Variants in GNB5 observed in about 807,000 individuals in gnomAD.
The protein encoded by GNB5 is guanine nucleotide-binding protein subunit beta-5.
Under a neutral mutation model 55.3 loss-of-function variants are expected in GNB5, and 37 were observed. The observed-to-expected ratio is 0.67, with a 90% CI of 0.51 to 0.88. GNB5 has a LOEUF of 0.88. GNB5 is among the 40% of genes least tolerant of loss of function. The pLI is 0.00. For missense variants in GNB5, 476 were observed against 515.3 expected (o/e 0.92, Z 0.74); for synonymous variants, 219 against 198.5 (o/e 1.10, Z -0.87).
At position 52,124,657 on chromosome 15, in the gene GNB5, T is replaced by A; in HGVS notation, c.1010-18A>T. 6.2e-7 allele frequency: 1 copy of A among 1,609,480 alleles called. No homozygotes were observed. Among genetic ancestry groups the A allele is most frequent in the Non-Finnish European group, 8.5e-7 (1 of 1,176,602 alleles). On this transcript the variant is annotated intron_variant, in intron 11 of 12. Transcript: ENST00000261837. ...CAGGCGACCTTGAAGCAGGGTGAGA[T>A]GATAGCTGTTAAGCCAGTTCCTTGC...
chr15:52,156,625 G>A (rs1188150688), intron 3 of GNB5, among the ~76,000 whole-genome samples: 1 of 152,152 alleles, frequency 6.6e-6, no homozygotes, highest in Non-Finnish European at 1.5e-5. Context: ...CAGTTACTTG[G>A]GAGGCCGAGG....
rs976493477 is a variant in GNB5 at position 52,157,873 on chromosome 15, T to C, written c.239-3797A>G. On this transcript the variant is annotated intron_variant, in intron 3 of 12. Transcript: ENST00000261837. Reference sequence around the variant, plus strand: ...TTTGCATCCACTGAATTAAAACAAATTTTAAAAATTAAACATTAGGAAGTT... The same window carrying C: ...TTTGCATCCACTGAATTAAAACAAACTTTAAAAATTAAACATTAGGAAGTT... Among the ~76,000 whole-genome samples the C allele has an allele frequency of 6.0e-5, 9 of 150,912 alleles. No individual in the cohort carries two copies. The South Asian group carries it at 1.5e-3, about 25-fold the overall frequency.
chr15:52,151,443 T>C (rs2034095017), intron 4 of GNB5, among the ~76,000 whole-genome samples: 1 of 152,234 alleles, frequency 6.6e-6, no homozygotes. Context: ...GGGGCCTACG[T>C]ACCCAGAGAG....
At chr15:52,129,319 TC>T (rs2033516518) in intron 9 of GNB5, among the ~76,000 whole-genome samples, 2 of 151,438 alleles carry the variant, frequency 1.3e-5, no homozygotes, top group Admixed American at 1.3e-4. Context: ...GGAGGAGGAG[TC>T]CTTTTAAAAC....
intron 5 of GNB5, among the ~76,000 whole-genome samples, chr15:52,148,576 T>A (rs1045731442): frequency 3.9e-5 from 6 of 152,336 alleles, no homozygotes; most frequent in East Asian, 1.9e-4. Context: ...ATGGCTCTGT[T>A]GTTTGCATAT....
chr15:52,129,254 G>A (rs2033514437), intron 9 of GNB5, among the ~76,000 whole-genome samples: 1 of 152,090 alleles, frequency 6.6e-6, no homozygotes, highest in South Asian at 2.1e-4. Context: ...CCGCACCCAC[G>A]CTGTTTCTCC....
At chr15:52,182,237 G>T (rs945357597) in intron 2 of GNB5, among the ~76,000 whole-genome samples, 1 of 152,198 alleles carries the variant, frequency 6.6e-6, no homozygotes, top group Admixed American at 6.5e-5. Context: ...GTTCACATGA[G>T]GTAATTTAAA....
At chr15:52,147,838 C>G (rs2034009211) in intron 5 of GNB5, among the ~76,000 whole-genome samples, 1 of 152,160 alleles carries the variant, frequency 6.6e-6, no homozygotes, top group African/African-American at 2.4e-5. Flanking sequence ...TCACCGTGGC[C>G]TCCCAAAGTG....
At chr15:52,184,980 A>C (rs1487844336) in intron 1 of GNB5, among the ~76,000 whole-genome samples, 1 of 152,248 alleles carries the variant, frequency 6.6e-6, no homozygotes, top group African/African-American at 2.4e-5. Flanking sequence ...CTTGCAGCAC[A>C]ATATCAATTC....
At chr15:52,128,868 G>A (rs929389256) in intron 9 of GNB5, 2 of 403,172 alleles carry the variant, frequency 5.0e-6, no homozygotes, top group South Asian at 3.6e-5. Flanking sequence ...TAAATTATAA[G>A]CCAGAGGCAG....
chr15:52,159,186 C>T (rs572967925), intron 3 of GNB5, among the ~76,000 whole-genome samples: 1 of 152,282 alleles, frequency 6.6e-6, no homozygotes, highest in South Asian at 2.1e-4. Flanking sequence ...AGTAATGGCG[C>T]TGTACACCCA....
At position 52,159,325 on chromosome 15, in the gene GNB5, G is replaced by T. The variant is rs187192394; in HGVS notation, c.239-5249C>A. 3.1e-3 allele frequency among the ~76,000 whole-genome samples: 479 copies of T among 152,212 alleles called. 1 individual carries two copies. Among genetic ancestry groups the T allele is most frequent in the African/African-American group, 0.011 (457 of 41,546 alleles). On this transcript the variant is annotated intron_variant, in intron 3 of 12. Coordinates refer to ENST00000261837, the MANE Select transcript of GNB5 (RefSeq NM_016194.4). ...GGACAGCGTCGATGGAGACAACACT[G>T]GAGGAGGGAAACCAGGGAAGAGACT...
chr15:52,181,710 C>G (rs2034774027), intron 2 of GNB5, among the ~76,000 whole-genome samples: 1 of 152,208 alleles, frequency 6.6e-6, no homozygotes, highest in East Asian at 1.9e-4. Flanking sequence ...TGCTTATTCA[C>G]TGCTAGTTCT....
intron 7 of GNB5, 73 bp from the exon 8 acceptor site, chr15:52,135,829 T>C: frequency 6.9e-7 from 1 of 1,452,616 alleles, no homozygotes; most frequent in South Asian, 1.2e-5. Context: ...ATCAGAGGCT[T>C]AACGTTCCGC....
intron 8 of GNB5, 98 bp from the exon 9 acceptor site, chr15:52,133,567 T>G: frequency 5.1e-6 from 4 of 780,618 alleles, no homozygotes; most frequent in South Asian, 4.7e-5. Flanking sequence ...TTATTTCCCA[T>G]TAGCAAATGG....
chr15:52,147,895 A>C (rs1412851103), intron 5 of GNB5, among the ~76,000 whole-genome samples: 1 of 152,126 alleles, frequency 6.6e-6, no homozygotes, highest in Non-Finnish European at 1.5e-5. Context: ...AAAAATCTTA[A>C]TGTTTAAATT....
At position 52,179,402 on chromosome 15, in the gene GNB5, C is replaced by T. The variant is rs182904769; in HGVS notation, c.238+366G>A. Among the ~76,000 whole-genome samples, 1,228 of 152,292 alleles carry T rather than the reference C, an allele frequency of 8.1e-3. 7 individuals carry two copies. Among genetic ancestry groups the T allele is most frequent in the Non-Finnish European group, 0.012 (816 of 68,006 alleles). The stretch of plus-strand genomic sequence containing the variant: ...CCTAGGCCGCGCCTACACGGGCTCG[C>T]CGCGCTCGCTCGTCACCACCGACAC... On this transcript the variant is annotated intron_variant, in intron 3 of 12. Coordinates refer to ENST00000261837, the MANE Select transcript of GNB5 (RefSeq NM_016194.4).
intron 3 of GNB5, among the ~76,000 whole-genome samples, chr15:52,178,314 T>C (rs2034691995): frequency 6.6e-6 from 1 of 152,222 alleles, no homozygotes; most frequent in African/African-American, 2.4e-5. Flanking sequence ...TTCACCATGT[T>C]GGCCAGGCTG....
chr15:52,184,645 A>G lies in GNB5; in HGVS notation c.32T>C (p.Phe11Ser), dbSNP rs2034818963. 1.2e-6 allele frequency: 2 copies of G among 1,613,892 alleles called. No homozygotes were observed. The highest frequency in any genetic ancestry group is 1.7e-6 in the Non-Finnish European group (2 of 1,179,754). MCDQTFLVNV[F>S]GSCDKCFKQR... ...TTTGAAACATTTGTCACATGAGCCA[A>G]ATACATTAACGAGAAAGGTCTGATC... Residue 11 changes from phenylalanine to serine, a missense_variant, in exon 2 of 13, where the codon TTT becomes TCT. By Grantham distance (155) the Phe-to-Ser change is radical. Transcript: ENST00000261837.
Sources: allele counts gnomAD v4.1 joint callset (sites outside exome capture counted in the v4.1 genomes callset), GRCh38; gene constraint gnomAD v4.1.1; transcripts MANE v1.5; gene names NCBI Gene and HGNC (gene_info 2026-07-23, HGNC 2026-07-21).